The following MYH10 variants were observed in gnomAD, a reference collection of about 807,000 sequenced individuals.
The protein encoded by MYH10 is myosin-10.
A neutral mutation model predicts 257.8 loss-of-function variants in MYH10; 55 were observed. The observed-to-expected ratio is 0.21, with a 90% CI of 0.17 to 0.27. The LOEUF (loss-of-function observed/expected upper bound fraction) is 0.27. Ranked by LOEUF, MYH10 falls within the 10% of genes least tolerant of loss-of-function variation. The probability of loss-of-function intolerance (pLI) is 1.00; values close to 1 mark genes in which losing one functional copy is unlikely to be tolerated. For synonymous variants in MYH10, 854 were observed against 921.7 expected (o/e 0.93, Z 1.33); for missense variants, 1,631 against 2,500.6 (o/e 0.65, Z 7.42).
chr17:8,564,126 A>T (rs187608140), intron 7 of MYH10, among the ~76,000 whole-genome samples: 1 of 152,348 alleles, frequency 6.6e-6, no homozygotes, highest in Non-Finnish European at 1.5e-5. Context: ...AGAGAACTGG[A>T]CTAACTGTGA....
chr17:8,563,274 G>A (rs1473252842), intron 7 of MYH10, among the ~76,000 whole-genome samples: 1 of 152,146 alleles, frequency 6.6e-6, no homozygotes, highest in Non-Finnish European at 1.5e-5. Flanking sequence ...TTAGTAAAAT[G>A]AGTTTTCACA....
chr17:8,497,932 G>A (rs560345571), intron 30 of MYH10, among the ~76,000 whole-genome samples: 1 of 147,668 alleles, frequency 6.8e-6, no homozygotes, highest in South Asian at 2.2e-4. Context: ...GTAATCTAGA[G>A]ATGATTTATA....
chr17:8,608,168 G>A (rs536472904), intron 2 of MYH10, among the ~76,000 whole-genome samples: 99 of 152,320 alleles, frequency 6.5e-4, no homozygotes, highest in Non-Finnish European at 1.1e-3. Context: ...ATCTATGGGT[G>A]ATGAGGTATT....
At position 8,535,788 on chromosome 17, in the gene MYH10, A is replaced by T. The variant is rs772688089; in HGVS notation, c.1749T>A (p.Ala583=). Residue 583 remains alanine, a synonymous_variant, in exon 15 of 43, where the codon GCT becomes GCA. Transcript: ENST00000360416. This position sits in a 1 kb window ranked among gnomAD's most constrained non-coding sequence, Gnocchi z 4.3. ...CTGCATAATGTATAATGCAAAAATCAGCTTTGTCTTTTAATTGTCGAGGTT... is the reference window on the plus strand; with the variant it reads ...CTGCATAATGTATAATGCAAAAATCTGCTTTGTCTTTTAATTGTCGAGGTT... ...FQKPRQLKDK[A]DFCIIHYAGK... The T allele has an allele frequency of 1.5e-4, 245 of 1,614,034 alleles. 1 individual carries two copies. In the Admixed American group the frequency reaches 4.0e-3, roughly 27 times the overall value.
intron 2 of MYH10, among the ~76,000 whole-genome samples, chr17:8,612,272 AC>A (rs146017388): frequency 0.036 from 5,486 of 152,262 alleles, 338 homozygotes; most frequent in African/African-American, 0.12. Flanking sequence ...AAGAGAAGCC[AC>A]AAAGTGCTTC....
At chr17:8,513,938 C>G in intron 21 of MYH10, 44 bp from the exon 22 acceptor site, 1 of 1,522,624 alleles carries the variant, frequency 6.6e-7, no homozygotes, top group East Asian at 2.4e-5. Context: ...GAAAAAAGTG[C>G]TTGAATGGCT....
At chr17:8,483,170 C>T (rs780029109) in intron 37 of MYH10, among the ~76,000 whole-genome samples, 4 of 152,088 alleles carry the variant, frequency 2.6e-5, no homozygotes, top group Non-Finnish European at 4.4e-5. Flanking sequence ...AATTACATGA[C>T]AATGAAATTA....
chr17:8,576,476 C>T (rs1422612599), intron 6 of MYH10, 167 bp downstream of exon 6: 6 of 583,394 alleles, frequency 1.0e-5, no homozygotes, highest in Non-Finnish European at 1.7e-5. Context: ...ACGGCATGCG[C>T]TTCTCAAGAA....
intron 21 of MYH10, among the ~76,000 whole-genome samples, chr17:8,515,937 T>C (rs1486807819): frequency 6.6e-6 from 1 of 152,204 alleles, no homozygotes; most frequent in Non-Finnish European, 1.5e-5. Context: ...ACCTTCCAAT[T>C]CTTGCAATCT....
At chr17:8,616,437 A>C (rs2085264798) in intron 2 of MYH10, among the ~76,000 whole-genome samples, 1 of 152,204 alleles carries the variant, frequency 6.6e-6, no homozygotes, top group South Asian at 2.1e-4. Context: ...TACAAAAATT[A>C]ATTGTAAAAA....
At chr17:8,554,468 T>C (rs2082727108) in intron 7 of MYH10, among the ~76,000 whole-genome samples, 1 of 150,920 alleles carries the variant, frequency 6.6e-6, no homozygotes, top group Non-Finnish European at 1.5e-5. Context: ...AAATAAAAAA[T>C]AGTGAAACAG....
In MYH10 at chr17:8,504,633, T is replaced by C. The variant is rs1426951941; in HGVS notation, c.3599+61A>G. On this transcript the variant is annotated intron_variant, in intron 28 of 42. Transcript: ENST00000360416. The surrounding 1 kb of genome is among the most constrained non-coding windows in gnomAD (Gnocchi z 5.6). ...AGATAGCAAGCACACCAGGCATTTC[T>C]GCACGGGCTCGGTGGAGAGGTCGGC... 1 of 1,467,444 alleles carries C rather than the reference T, an allele frequency of 6.8e-7. No homozygotes were observed. Among genetic ancestry groups the C allele is most frequent in the Non-Finnish European group, 9.4e-7 (1 of 1,061,856 alleles). 90.9% of individuals were successfully genotyped at this position (1,467,444 alleles called of 1,614,324 possible). A position where few individuals can be genotyped will look rare whatever the true frequency, so the allele number is the denominator to read the frequency against.
rs1597576465 is a variant in MYH10, at chr17:8,475,715, C to T, written c.*89G>A. The T allele has an allele frequency of 7.5e-6, 11 of 1,464,918 alleles. No individual in the cohort carries two copies. Among genetic ancestry groups the T allele is most frequent in the South Asian group, 2.6e-5 (2 of 78,202 alleles). The allele number at this position is 1,464,918 out of a possible 1,614,324, so 90.7% of individuals were successfully genotyped here. ...CAGTTGATCTTTCAGGAAGGAATCC[C>T]GTAGCTTGCCAATTTCCGAAATCTG... On this transcript the variant is annotated 3_prime_UTR_variant, in exon 43 of 43. Coordinates refer to ENST00000360416, the MANE Select transcript of MYH10 (RefSeq NM_001256012.3).
chr17:8,493,653 A>C, intron 32 of MYH10, 80 bp downstream of exon 32: 2 of 1,477,928 alleles, frequency 1.4e-6, no homozygotes, highest in Non-Finnish European at 1.8e-6. Context: ...AATGGAGCTG[A>C]GACAGCCCAG....
In MYH10 at chr17:8,608,902, C is replaced by T. The variant is rs143874540; in HGVS notation, c.346-3920G>A. ...CTCGGCTCACTGCAAGCTCCGCCTC[C>T]CGGGCTGACGCCATTCTCCTGCATC... On this transcript the variant is annotated intron_variant, in intron 2 of 42. Transcript: ENST00000360416. Among the ~76,000 whole-genome samples, 936 of 152,222 alleles carry T rather than the reference C, an allele frequency of 6.1e-3. 13 individuals are homozygous for T. Among genetic ancestry groups the T allele is most frequent in the African/African-American group, 0.021 (878 of 41,532 alleles).
rs1360665894 is a variant in MYH10 at position 8,552,818 on chromosome 17, G to A, written c.821-674C>T. 2.6e-5 allele frequency among the ~76,000 whole-genome samples: 4 copies of A among 152,150 alleles called. No homozygotes were observed. Among genetic ancestry groups the A allele is most frequent in the South Asian group, 2.1e-4 (1 of 4,824 alleles). On this transcript the variant is annotated intron_variant, in intron 8 of 42. Transcript: ENST00000360416. This position sits in a 1 kb window ranked among gnomAD's most constrained non-coding sequence, Gnocchi z 4.8. Reference sequence around the variant, plus strand: ...AAGAACCGGTGCGGCCAGTACCTACGCCTGCTGCTACCCACCCTGCCTGGG... The same window carrying A: ...AAGAACCGGTGCGGCCAGTACCTACACCTGCTGCTACCCACCCTGCCTGGG...
In MYH10 at chr17:8,513,750, T is replaced by G. The variant is rs137865189; in HGVS notation, c.2613+36A>C. On this transcript the variant is annotated intron_variant, in intron 22 of 42. Coordinates refer to ENST00000360416, the MANE Select transcript of MYH10 (RefSeq NM_001256012.3). ...GTTTTTCCTGATCAGACTCTGCTAT[T>G]TGAAAGGGATCTGGAAAGAAGTGAG... The G allele has an allele frequency of 1.7e-4, 275 of 1,612,312 alleles. 2 individuals carry two copies. In the East Asian group the frequency reaches 5.7e-3, roughly 34 times the overall value.
At chr17:8,604,789 A>G in intron 3 of MYH10, 37 bp downstream of exon 3, 15 of 1,355,808 alleles carry the variant, frequency 1.1e-5, no homozygotes, top group Non-Finnish European at 1.5e-5. Flanking sequence ...ACATTTAAGA[A>G]ATTCTGAGCA....
rs990361427 is a variant in MYH10, at chr17:8,569,188, C to T, written c.756+532G>A. Among the ~76,000 whole-genome samples the T allele has an allele frequency of 6.7e-6, 1 of 150,016 alleles. No individual in the cohort carries two copies. The highest frequency in any genetic ancestry group is 2.5e-5 in the African/African-American group (1 of 40,668). On this transcript the variant is annotated intron_variant, in intron 7 of 42. Transcript: ENST00000360416. The surrounding 1 kb of genome is among the most constrained non-coding windows in gnomAD (Gnocchi z 4.1). ...AGTGAGCTATGACTGTGCCACTGCACTCCAGGCTGGGTGACAGAGCAAGAC... is the reference window on the plus strand; with the variant it reads ...AGTGAGCTATGACTGTGCCACTGCATTCCAGGCTGGGTGACAGAGCAAGAC...
Sources: allele counts gnomAD v4.1 joint callset (sites outside exome capture counted in the v4.1 genomes callset), GRCh38; gene constraint gnomAD v4.1.1; non-coding constraint Gnocchi (gnomAD v3.1); transcripts MANE v1.5; gene names NCBI Gene and HGNC (gene_info 2026-07-23, HGNC 2026-07-21).